Variants in GRM7 observed in about 807,000 individuals in gnomAD.
GRM7 encodes metabotropic glutamate receptor 7.
Under a neutral mutation model 84.5 loss-of-function variants are expected in GRM7, and 35 were observed. The ratio of observed to expected loss-of-function variants is 0.41; its 90% CI spans 0.32 to 0.55. The LOEUF is 0.55. Among genes scored for constraint, GRM7 ranks in the 20% least tolerant of loss-of-function variants. The probability of loss-of-function intolerance (pLI) is 0.19; values close to 1 mark genes in which losing one functional copy is unlikely to be tolerated. For missense variants in GRM7, 1,003 were observed against 1,194.6 expected, an observed-to-expected ratio of 0.84 and a Z score of 2.36; for synonymous variants, 487 against 455.1, an observed-to-expected ratio of 1.07 and a Z score of -0.89.
intron 1 of GRM7, among the ~76,000 whole-genome samples, chr3:6,873,184 G>C (rs1216730410): frequency 1.3e-5 from 2 of 152,056 alleles, no homozygotes; most frequent in African/African-American, 2.4e-5. Flanking sequence ...CGATTCTCCC[G>C]CCTCAGTCTC....
At chr3:7,288,054 CA>C (rs1699493574) in intron 2 of GRM7, among the ~76,000 whole-genome samples, 1 of 152,054 alleles carries the variant, frequency 6.6e-6, no homozygotes, top group Non-Finnish European at 1.5e-5. Flanking sequence ...TATTTATTTA[CA>C]AAGTTAAATT....
chr3:7,281,330 G>A (rs1699244466), intron 2 of GRM7, among the ~76,000 whole-genome samples: 1 of 151,868 alleles, frequency 6.6e-6, no homozygotes, highest in African/African-American at 2.4e-5. Flanking sequence ...TGATTACATT[G>A]AGAATATTTC....
chr3:7,081,207 G>T (rs1462340838), intron 1 of GRM7, among the ~76,000 whole-genome samples: 1 of 151,950 alleles, frequency 6.6e-6, no homozygotes, highest in African/African-American at 2.4e-5. Context: ...TAAATTGAAG[G>T]TCTCTGGCAA....
At chr3:7,120,627 C>A (rs894783764) in intron 1 of GRM7, among the ~76,000 whole-genome samples, 41 of 152,160 alleles carry the variant, frequency 2.7e-4, no homozygotes, top group African/African-American at 9.4e-4. Context: ...AAAATATATT[C>A]TACATTAAAT....
intron 4 of GRM7, among the ~76,000 whole-genome samples, chr3:7,365,658 TATATATAC>T (rs2125110678): frequency 6.9e-6 from 1 of 145,206 alleles, no homozygotes; most frequent in East Asian, 2.0e-4. Flanking sequence ...TATATATATA[TATATATAC>T]ACACACGCAC....
chr3:7,231,396 A>C (rs2124900927), intron 2 of GRM7, among the ~76,000 whole-genome samples: 1 of 152,298 alleles, frequency 6.6e-6, no homozygotes, highest in East Asian at 1.9e-4. Flanking sequence ...AGATGAACAT[A>C]TGGCATTCTA....
chr3:7,319,176 G>A (rs1209617003), intron 4 of GRM7, among the ~76,000 whole-genome samples: 1 of 152,032 alleles, frequency 6.6e-6, no homozygotes, highest in Non-Finnish European at 1.5e-5. Flanking sequence ...AATGTCAGAG[G>A]ATGGATCGTG....
chr3:7,605,298 G>A (rs894548701), intron 8 of GRM7, among the ~76,000 whole-genome samples: 1 of 152,140 alleles, frequency 6.6e-6, no homozygotes, highest in Admixed American at 6.6e-5. Flanking sequence ...TTGCAAATGT[G>A]AAAGATCTAA....
At chr3:6,999,407 C>T (rs1427868914) in intron 1 of GRM7, among the ~76,000 whole-genome samples, 2 of 152,132 alleles carry the variant, frequency 1.3e-5, no homozygotes, top group Non-Finnish European at 2.9e-5. Context: ...CTAGGAAGTT[C>T]CAAACTTTCC....
At chr3:6,985,271 A>G (rs1464039631) in intron 1 of GRM7, among the ~76,000 whole-genome samples, 2 of 152,156 alleles carry the variant, frequency 1.3e-5, no homozygotes, top group East Asian at 3.8e-4. Flanking sequence ...TATTGATTGT[A>G]GTCACTCTGT....
intron 1 of GRM7, among the ~76,000 whole-genome samples, chr3:7,081,466 C>G (rs1374982322): frequency 6.6e-6 from 1 of 152,072 alleles, no homozygotes; most frequent in Non-Finnish European, 1.5e-5. Context: ...ATTCCATTGA[C>G]TGGTTCTGCT....
At chr3:7,679,147 T>C (rs1349869922) in intron 8 of GRM7, among the ~76,000 whole-genome samples, 1 of 152,032 alleles carries the variant, frequency 6.6e-6, no homozygotes, top group African/African-American at 2.4e-5. Context: ...CAGCCTGGGA[T>C]GGGCATGCTA....
intron 7 of GRM7, among the ~76,000 whole-genome samples, chr3:7,468,679 A>G (rs898730241): frequency 2.6e-5 from 4 of 152,186 alleles, no homozygotes; most frequent in Non-Finnish European, 4.4e-5. Flanking sequence ...TGTAATACCC[A>G]CATGTCAAGG....
intron 1 of GRM7, among the ~76,000 whole-genome samples, chr3:7,069,346 A>G (rs1263385429): frequency 6.6e-6 from 1 of 152,020 alleles, no homozygotes; most frequent in Non-Finnish European, 1.5e-5. Flanking sequence ...AGAAAATCAC[A>G]GCTACTGCCA....
At chr3:7,014,872 G>A (rs1032315573) in intron 1 of GRM7, among the ~76,000 whole-genome samples, 2 of 152,136 alleles carry the variant, frequency 1.3e-5, no homozygotes, top group Non-Finnish European at 2.9e-5. Flanking sequence ...TCTTACAAGA[G>A]GATTGTAAAA....
At chr3:7,301,134 A>G (rs1411950820) in intron 3 of GRM7, among the ~76,000 whole-genome samples, 1 of 150,554 alleles carries the variant, frequency 6.6e-6, no homozygotes, top group African/African-American at 2.4e-5. Context: ...TGTTCTGATT[A>G]CTTCTCCATC....
intron 6 of GRM7, among the ~76,000 whole-genome samples, chr3:7,460,534 A>G (rs1397214402): frequency 6.6e-6 from 1 of 152,110 alleles, no homozygotes; most frequent in Non-Finnish European, 1.5e-5. Flanking sequence ...TGAGTTTGTA[A>G]ATGGCATGAA....
At chr3:7,539,388 A>G (rs1692737992) in intron 7 of GRM7, among the ~76,000 whole-genome samples, 1 of 152,142 alleles carries the variant, frequency 6.6e-6, no homozygotes, top group Non-Finnish European at 1.5e-5. Flanking sequence ...TTTAAAACCA[A>G]TCTCTCAGCC....
chr3:7,474,625 T>C (rs1371335646), intron 7 of GRM7, among the ~76,000 whole-genome samples: 1 of 152,102 alleles, frequency 6.6e-6, no homozygotes, highest in Non-Finnish European at 1.5e-5. Context: ...AGCACAAAAG[T>C]GGTATCAGAG....
Sources: gnomAD v4.1 joint callset for allele counts (sites outside exome capture counted in the v4.1 genomes callset) on GRCh38, gnomAD v4.1.1 for gene constraint, MANE v1.5 for transcripts, NCBI Gene and HGNC (gene_info 2026-07-23, HGNC 2026-07-21) for gene names.